Variants in THSD4 observed in about 807,000 individuals in gnomAD.
THSD4 encodes the protein thrombospondin type-1 domain-containing protein 4.
A neutral mutation model predicts 119.0 loss-of-function variants in THSD4; 69 were observed. The ratio of observed to expected loss-of-function variants is 0.58; its 90% confidence interval spans 0.48 to 0.71. The LOEUF is 0.71. Ranked by LOEUF, THSD4 falls within the 30% of genes least tolerant of loss-of-function variation. The pLI, the probability that THSD4 is intolerant of heterozygous loss-of-function variation, is 0.00. For missense variants in THSD4, 1,393 were observed against 1,391.1 expected (o/e 1.00, Z -0.02); for synonymous variants, 524 against 540.4 (o/e 0.97, Z 0.42).
At chr15:71,580,932 A>C (rs751394857) in intron 7 of THSD4, among the ~76,000 whole-genome samples, 13 of 152,016 alleles carry the variant, frequency 8.6e-5, no homozygotes, top group South Asian at 2.1e-4. Flanking sequence ...ACACACACAC[A>C]CCCCATATTC....
At chr15:71,143,700 C>CTTTTT (rs546375502) in intron 2 of THSD4, among the ~76,000 whole-genome samples, 20 of 100,732 alleles carry the variant, frequency 2.0e-4, no homozygotes, top group South Asian at 3.5e-4. Flanking sequence ...TTTTTTCTTT[C>CTTTTT]TTTTTTTTTT....
chr15:71,122,566 T>C (rs574163442), intron 1 of THSD4, among the ~76,000 whole-genome samples: 1 of 152,224 alleles, frequency 6.6e-6, no homozygotes, highest in African/African-American at 2.4e-5. Context: ...ACTGCTAATA[T>C]TGCTCTGTTT....
At chr15:71,629,378 A>G (rs975491452) in intron 7 of THSD4, among the ~76,000 whole-genome samples, 1 of 152,162 alleles carries the variant, frequency 6.6e-6, no homozygotes, top group Non-Finnish European at 1.5e-5. Flanking sequence ...TTTTGCATCA[A>G]GCACTGTTGA....
At chr15:71,364,230 A>G (rs1240077647) in intron 6 of THSD4, among the ~76,000 whole-genome samples, 1 of 152,126 alleles carries the variant, frequency 6.6e-6, no homozygotes, top group Non-Finnish European at 1.5e-5. Context: ...GGAGTCAGCA[A>G]CCCTGGGAGC....
At chr15:71,666,050 G>A (rs1362456758) in intron 8 of THSD4, among the ~76,000 whole-genome samples, 2 of 152,102 alleles carry the variant, frequency 1.3e-5, no homozygotes, top group Non-Finnish European at 2.9e-5. Flanking sequence ...AATTTCATTG[G>A]TAGTTTGGTA....
At chr15:71,311,158 A>G (rs896437714) in intron 6 of THSD4, among the ~76,000 whole-genome samples, 1 of 152,284 alleles carries the variant, frequency 6.6e-6, no homozygotes, top group African/African-American at 2.4e-5. Flanking sequence ...TCAAAGTTCT[A>G]ACCATCGTAT....
At chr15:71,669,018 ACT>A (rs1256387357) in intron 8 of THSD4, among the ~76,000 whole-genome samples, 3 of 152,112 alleles carry the variant, frequency 2.0e-5, no homozygotes, top group African/African-American at 7.2e-5. Context: ...TGTAGGATAG[ACT>A]CTTGGCAGAA....
intron 6 of THSD4, among the ~76,000 whole-genome samples, chr15:71,397,365 C>G (rs1242480828): frequency 6.6e-6 from 1 of 152,156 alleles, no homozygotes; most frequent in Non-Finnish European, 1.5e-5. Flanking sequence ...GACCTGGTCT[C>G]TTTTTAAAAT....
At chr15:71,363,399 A>G (rs905784150) in intron 6 of THSD4, among the ~76,000 whole-genome samples, 5 of 152,106 alleles carry the variant, frequency 3.3e-5, no homozygotes, top group Non-Finnish European at 7.4e-5. Context: ...AACTTTCCCT[A>G]GAAGCCTGCT....
At chr15:71,611,805 A>G (rs919205994) in intron 7 of THSD4, among the ~76,000 whole-genome samples, 7 of 152,248 alleles carry the variant, frequency 4.6e-5, no homozygotes, top group African/African-American at 1.4e-4. Context: ...GCCCTGAGTC[A>G]AGAATATGCA....
At chr15:71,152,563 C>G (rs2040733789) in intron 2 of THSD4, among the ~76,000 whole-genome samples, 1 of 152,138 alleles carries the variant, frequency 6.6e-6, no homozygotes, top group African/African-American at 2.4e-5. Context: ...GAAGAGGCGG[C>G]TTGGTTGGTT....
intron 7 of THSD4, among the ~76,000 whole-genome samples, chr15:71,549,987 A>T (rs1032764170): frequency 1.3e-5 from 2 of 152,228 alleles, no homozygotes; most frequent in Non-Finnish European, 2.9e-5. Context: ...GTGTCAGTGC[A>T]TGGGTTGGAG....
intron 6 of THSD4, among the ~76,000 whole-genome samples, chr15:71,326,726 T>TA (rs1491127315): frequency 8.0e-5 from 7 of 87,980 alleles, no homozygotes; most frequent in Non-Finnish European, 1.2e-4. Context: ...TATATATATA[T>TA]TAGCTGGGTG....
At chr15:71,596,200 C>G (rs530670425) in intron 7 of THSD4, among the ~76,000 whole-genome samples, 2 of 152,076 alleles carry the variant, frequency 1.3e-5, no homozygotes, top group Non-Finnish European at 2.9e-5. Context: ...AATGTTGGGG[C>G]GACTTCTATT....
intron 7 of THSD4, among the ~76,000 whole-genome samples, chr15:71,642,130 G>C (rs2140965177): frequency 6.6e-6 from 1 of 152,314 alleles, no homozygotes; most frequent in Admixed American, 6.5e-5. Flanking sequence ...GTGGAAGGCT[G>C]CCTGTCACCG....
At chr15:71,424,167 A>G (rs2046841459) in intron 7 of THSD4, among the ~76,000 whole-genome samples, 2 of 152,100 alleles carry the variant, frequency 1.3e-5, no homozygotes, top group Non-Finnish European at 2.9e-5. Flanking sequence ...TTTGGCTCAT[A>G]TGAAGGTGCT....
chr15:71,770,989 A>G (rs772635364), intron 16 of THSD4, 75 bp from the exon 17 acceptor site: 82 of 1,548,740 alleles, frequency 5.3e-5, no homozygotes, highest in Non-Finnish European at 6.7e-5. Context: ...GAGATTTTCC[A>G]GTGTCTTCTT....
chr15:71,771,343 G>C, intron 17 of THSD4, 135 bp downstream of exon 17: 1 of 1,158,178 alleles, frequency 8.6e-7, no homozygotes, highest in Non-Finnish European at 1.2e-6. Context: ...GAGGGTTGAG[G>C]TGCTTTTGGT....
intron 7 of THSD4, among the ~76,000 whole-genome samples, chr15:71,603,841 T>C (rs771868922): frequency 9.2e-5 from 14 of 152,120 alleles, no homozygotes; most frequent in Non-Finnish European, 1.6e-4. Context: ...AAAGGGTGGG[T>C]TAGGCTGAAG....
Sources: allele counts gnomAD v4.1 joint callset (sites outside exome capture counted in the v4.1 genomes callset), GRCh38; gene constraint gnomAD v4.1.1; transcripts MANE v1.5; gene names NCBI Gene and HGNC (gene_info 2026-07-23, HGNC 2026-07-21).